TPTE2: variants seen among roughly 807,000 people sequenced by gnomAD.
The protein encoded by TPTE2 is transmembrane phosphoinositide 3-phosphatase and tensin homolog 2, also known as phosphatidylinositol 3,4,5-trisphosphate 3-phosphatase TPTE2.
TPTE2 carries 53 observed loss-of-function variants against 78.6 expected under a neutral mutation model. The observed-to-expected ratio is 0.67, with a 90% CI of 0.54 to 0.85. TPTE2 has a LOEUF of 0.85. Among genes scored for constraint, TPTE2 ranks in the 40% least tolerant of loss-of-function variants. The probability of loss-of-function intolerance (pLI) is 0.00; values close to 1 mark genes in which losing one functional copy is unlikely to be tolerated. For synonymous variants in TPTE2, 175 were observed against 206.2 expected (o/e 0.85, Z 1.30); for missense variants, 461 against 623.0 (o/e 0.74, Z 2.77).
chr13:19,440,258 C>A (rs1877400215), intron 13 of TPTE2, among the ~76,000 whole-genome samples: 1 of 152,170 alleles, frequency 6.6e-6, no homozygotes, highest in Admixed American at 6.5e-5. Flanking sequence ...AATCCAACAG[C>A]ACATCAAAAA....
chr13:19,496,365 AGCC>A (rs1423253562), intron 1 of TPTE2, among the ~76,000 whole-genome samples: 1 of 152,216 alleles, frequency 6.6e-6, no homozygotes, highest in Non-Finnish European at 1.5e-5. Flanking sequence ...AATGCACGAC[AGCC>A]TTTTGTGGGT....
At chr13:19,554,828 C>T in the TPTE2 span, among the ~76,000 whole-genome samples, 1 of 152,176 alleles carries the variant, frequency 6.6e-6, no homozygotes, top group African/African-American at 2.4e-5. Flanking sequence ...TCTAACCACA[C>T]ACTGACTGCT....
intron 6 of TPTE2, among the ~76,000 whole-genome samples, chr13:19,469,017 T>C (rs983219109): frequency 3.9e-4 from 59 of 152,210 alleles, no homozygotes; most frequent in Non-Finnish European, 4.9e-4. Context: ...AAGCAGTTTT[T>C]TAACTTGATG....
intron 13 of TPTE2, among the ~76,000 whole-genome samples, chr13:19,444,064 G>A (rs112849540): frequency 6.6e-6 from 1 of 151,960 alleles, no homozygotes; most frequent in Non-Finnish European, 1.5e-5. Flanking sequence ...TTTGGGAGGC[G>A]GAGGCTGAGG....
At chr13:19,533,166 A>G (rs1039219248) in intron 1 of TPTE2, among the ~76,000 whole-genome samples, 3 of 152,244 alleles carry the variant, frequency 2.0e-5, no homozygotes, top group African/African-American at 7.2e-5. Context: ...GGAACACTCA[A>G]AAAGATATTA....
At chr13:19,520,245 GGTTTT>G (rs1373974663) in intron 1 of TPTE2, among the ~76,000 whole-genome samples, 3 of 151,744 alleles carry the variant, frequency 2.0e-5, no homozygotes, top group South Asian at 2.1e-4. Flanking sequence ...TTCTGTGGTT[GGTTTT>G]GTTTTGTTTT....
At chr13:19,554,488 T>C in the TPTE2 span, among the ~76,000 whole-genome samples, 1 of 151,766 alleles carries the variant, frequency 6.6e-6, no homozygotes, top group South Asian at 2.1e-4. Context: ...TCCCATTTTA[T>C]ATATATATAT....
At chr13:19,518,063 T>C (rs1046273461) in intron 1 of TPTE2, among the ~76,000 whole-genome samples, 2 of 152,204 alleles carry the variant, frequency 1.3e-5, no homozygotes, top group African/African-American at 4.8e-5. Flanking sequence ...TGAATAACTA[T>C]GTTTGTTTAA....
chr13:19,525,829 T>C (rs1306188340), intron 1 of TPTE2, among the ~76,000 whole-genome samples: 1 of 151,522 alleles, frequency 6.6e-6, no homozygotes, highest in Non-Finnish European at 1.5e-5. Flanking sequence ...TATAAGGAAC[T>C]GAAACAAATT....
intron 13 of TPTE2, among the ~76,000 whole-genome samples, chr13:19,443,912 CTGAAATGGAAAAAATACAA>C: frequency 6.6e-6 from 1 of 152,090 alleles, no homozygotes. Flanking sequence ...AGATAAATGA[CTGAAATGGAAAAAATACAA>C]TTTATTATTT....
the TPTE2 span, among the ~76,000 whole-genome samples, chr13:19,547,624 A>G: frequency 1.3e-5 from 2 of 151,574 alleles, no homozygotes; most frequent in Non-Finnish European, 2.9e-5. Context: ...CTGCGTTCAT[A>G]ACAATGGGAC....
intron 1 of TPTE2, among the ~76,000 whole-genome samples, chr13:19,534,258 A>G (rs1871066948): frequency 2.0e-5 from 3 of 152,228 alleles, no homozygotes; most frequent in African/African-American, 7.2e-5. Flanking sequence ...GAAACAGAAT[A>G]GTTGTATGGG....
At chr13:19,422,902 T>A (rs771975926) in exon 20 of TPTE2, 314 of 689,032 alleles carry the variant, frequency 4.6e-4, no homozygotes, top group Non-Finnish European at 6.2e-4. Context: ...TTTAATAGAT[T>A]TATGAAGAAC....
At chr13:19,538,299 C>G (rs975649136), upstream of TPTE2, among the ~76,000 whole-genome samples, 2 of 152,076 alleles carry the variant, frequency 1.3e-5, no homozygotes, top group Non-Finnish European at 2.9e-5. Flanking sequence ...CGGCTCACTG[C>G]AAGCTCCGCC....
intron 6 of TPTE2, among the ~76,000 whole-genome samples, chr13:19,471,579 C>T (rs969804923): frequency 2.0e-4 from 31 of 151,974 alleles, no homozygotes; most frequent in Non-Finnish European, 3.2e-4. Context: ...AAATTTGTCT[C>T]GCTATTATTT....
chr13:19,503,078 G>T, intron 1 of TPTE2, 146 bp downstream of exon 4: 1 of 1,109,008 alleles, frequency 9.0e-7, no homozygotes, highest in South Asian at 1.4e-5. Context: ...CTGTGTGCAT[G>T]GGTTAGTGGA....
At chr13:19,448,671 G>A (rs1303138175) in intron 13 of TPTE2, among the ~76,000 whole-genome samples, 2 of 63,222 alleles carry the variant, frequency 3.2e-5, no homozygotes, top group Admixed American at 1.9e-4. Context: ...AAGAGTTGGT[G>A]AGGATGAAGA....
chr13:19,500,632 G>A (rs1868439967), intron 1 of TPTE2, among the ~76,000 whole-genome samples: 1 of 152,210 alleles, frequency 6.6e-6, no homozygotes, highest in South Asian at 2.1e-4. Context: ...AATAAATTAG[G>A]TATTGATGGG....
At chr13:19,450,783 C>A (rs1247833299) in intron 11 of TPTE2, among the ~76,000 whole-genome samples, 1 of 152,086 alleles carries the variant, frequency 6.6e-6, no homozygotes, top group African/African-American at 2.4e-5. Context: ...CCATCTAGAG[C>A]CTTGCTCTCA....
Sources: gnomAD v4.1 joint callset for allele counts (sites outside exome capture counted in the v4.1 genomes callset) on GRCh38, gnomAD v4.1.1 for gene constraint, MANE v1.5 for transcripts, NCBI Gene and HGNC (gene_info 2026-07-23, HGNC 2026-07-21) for gene names.